The following LGR5 variants were observed in gnomAD, a reference collection of about 807,000 sequenced individuals.
LGR5 encodes leucine rich repeat containing G protein-coupled receptor 5.
Under a neutral mutation model 76.7 loss-of-function variants are expected in LGR5, and 54 were observed. The observed-to-expected ratio is 0.70, with a 90% CI of 0.57 to 0.88. LGR5 has a LOEUF of 0.88. LGR5 is among the 40% of genes least tolerant of loss of function. The pLI is 0.00. For missense variants in LGR5, 1,078 were observed against 1,073.3 expected (o/e 1.00, Z -0.06); for synonymous variants, 406 against 421.9 (o/e 0.96, Z 0.46).
At chr12:71,481,998 C>G (rs569710056) in intron 1 of LGR5, among the ~76,000 whole-genome samples, 2 of 151,862 alleles carry the variant, frequency 1.3e-5, no homozygotes, top group Non-Finnish European at 2.9e-5. Context: ...TTTTCATTGT[C>G]CAATTATAAA....
intron 5 of LGR5, among the ~76,000 whole-genome samples, chr12:71,556,350 A>G (rs1004184085): frequency 2.6e-5 from 4 of 152,134 alleles, no homozygotes; most frequent in African/African-American, 7.2e-5. Flanking sequence ...CTTGAAACCC[A>G]AAGTTACTTA....
chr12:71,571,056 T>C (rs1188137742), intron 11 of LGR5, among the ~76,000 whole-genome samples: 2 of 152,228 alleles, frequency 1.3e-5, no homozygotes, highest in African/African-American at 4.8e-5. Context: ...TTCCCCCACC[T>C]CCTTCTTGTA....
intron 3 of LGR5, among the ~76,000 whole-genome samples, chr12:71,529,295 G>A (rs1490724549): frequency 3.9e-5 from 6 of 152,164 alleles, no homozygotes; most frequent in Non-Finnish European, 8.8e-5. Flanking sequence ...GAGGCCTCGG[G>A]AAACTTACAA....
Position 71,477,368 on chromosome 12 carries a change from C to T in LGR5, c.213-27246C>T, listed in dbSNP as rs576970519. On this transcript the variant is annotated intron_variant, in intron 1 of 17. Coordinates refer to ENST00000266674, the MANE Select transcript of LGR5 (RefSeq NM_003667.4). Reference sequence around the variant, plus strand: ...AGGAGTGGAAAGGGTGGGACACGGACCTAATGGCTTTTTTGTTTCTTCATT... The same window carrying T: ...AGGAGTGGAAAGGGTGGGACACGGATCTAATGGCTTTTTTGTTTCTTCATT... Among the ~76,000 whole-genome samples, 5 of 151,440 alleles carry T rather than the reference C, an allele frequency of 3.3e-5. No individual in the cohort carries two copies. In the East Asian group the frequency reaches 9.7e-4, roughly 29 times the overall value.
intron 1 of LGR5, among the ~76,000 whole-genome samples, chr12:71,478,176 A>G (rs1368635798): frequency 6.6e-6 from 1 of 152,096 alleles, no homozygotes; most frequent in Non-Finnish European, 1.5e-5. Context: ...TTATTTTTAT[A>G]TTTTCTTACA....
Position 71,566,634 on chromosome 12 carries a change from C to T in LGR5, c.932C>T (p.Thr311Ile). ...TACTTATATACTCCTCTTTCTAGGA[C>T]TCTGAATGGTGCCTCACAAATAACT... Reference protein sequence around the residue: ...FQHLPELRTLTLNGASQITEF... With the variant: ...FQHLPELRTLILNGASQITEF... Residue 311 changes from threonine (T) to isoleucine (I), a missense_variant and splice_region_variant, in exon 10 of 18, where the codon ACT becomes ATT. Transcript: ENST00000266674. The T allele has an allele frequency of 1.2e-6, 2 of 1,611,830 alleles. No individual in the cohort carries two copies. The highest frequency in any genetic ancestry group is 2.2e-5 in the South Asian group (2 of 91,030).
chr12:71,480,161 C>T (rs1298067904), intron 1 of LGR5, among the ~76,000 whole-genome samples: 4 of 151,756 alleles, frequency 2.6e-5, no homozygotes, highest in South Asian at 2.1e-4. Flanking sequence ...GTCAGGAGTT[C>T]GAGAACAGCC....
chr12:71,509,606 G>A (rs1875044819), intron 2 of LGR5, among the ~76,000 whole-genome samples: 1 of 152,162 alleles, frequency 6.6e-6, no homozygotes, highest in South Asian at 2.1e-4. Flanking sequence ...GTGTAGTAGA[G>A]ATGTTGGGAG....
intron 1 of LGR5, among the ~76,000 whole-genome samples, chr12:71,473,227 A>C (rs1231263640): frequency 6.6e-6 from 1 of 152,218 alleles, no homozygotes; most frequent in South Asian, 2.1e-4. Flanking sequence ...AGATTCTAAC[A>C]ATCAACATTC....
intron 2 of LGR5, among the ~76,000 whole-genome samples, chr12:71,516,179 A>G (rs10784921): frequency 0.5 from 75,378 of 151,914 alleles, 19,570 homozygotes; most frequent in East Asian, 0.86. Flanking sequence ...TTTAAATTTG[A>G]GCGTAGAAAA....
At chr12:71,486,548 T>A (rs535939072) in intron 1 of LGR5, among the ~76,000 whole-genome samples, 13 of 152,300 alleles carry the variant, frequency 8.5e-5, no homozygotes, top group Admixed American at 2.6e-4. Flanking sequence ...AAATCTGGAT[T>A]TATTTGTTAA....
At chr12:71,447,789 G>GTGGAACTGGCTGC (rs1366895394) in intron 1 of LGR5, among the ~76,000 whole-genome samples, 7 of 152,210 alleles carry the variant, frequency 4.6e-5, no homozygotes, top group Non-Finnish European at 8.8e-5. Context: ...GGGAGAGACT[G>GTGGAACTGGCTGC]TGGAACTGGC....
chr12:71,440,268 A>C lies in LGR5; in HGVS notation c.188A>C (p.Asn63Thr), dbSNP rs1871700671. 3.7e-6 allele frequency: 6 copies of C among 1,612,314 alleles called. No homozygotes were observed. The highest frequency in any genetic ancestry group is 5.1e-6 in the Non-Finnish European group (6 of 1,179,934). ...CTGGGGCTCTCGGAGCTGCCTTCCA[A>C]CCTCAGCGTCTTCACCTCCTACCTG... The part of the protein sequence containing the change: ...SDLGLSELPS[N>T]LSVFTSYLDL... Residue 63 changes from asparagine (N) to threonine (T), a missense_variant, in exon 1 of 18, where the codon AAC becomes ACC. Asn to Thr is a moderately conservative substitution (Grantham distance 65, BLOSUM62 0). Coordinates refer to ENST00000266674, the MANE Select transcript of LGR5 (RefSeq NM_003667.4). This position sits in a 1 kb window ranked among gnomAD's most constrained non-coding sequence, Gnocchi z 5.3.
At chr12:71,540,543 A>C (rs1181511633) in intron 4 of LGR5, among the ~76,000 whole-genome samples, 1 of 152,184 alleles carries the variant, frequency 6.6e-6, no homozygotes, top group Non-Finnish European at 1.5e-5. Context: ...AGGGCTATAG[A>C]ACCCACCCCT....
At chr12:71,451,196 G>A (rs1324940494) in intron 1 of LGR5, among the ~76,000 whole-genome samples, 1 of 152,160 alleles carries the variant, frequency 6.6e-6, no homozygotes, top group Non-Finnish European at 1.5e-5. Flanking sequence ...AGATCAGATG[G>A]GTTGATTACA....
In LGR5 at chr12:71,440,748, G is replaced by A. The variant is rs1871727802; in HGVS notation, c.212+456G>A. ...AGTTTCCCCAAAGGAGAAACAACTT[G>A]CCCAGCTCCAAAGGGTTTTTAGTCT... On this transcript the variant is annotated intron_variant, in intron 1 of 17. Coordinates refer to ENST00000266674, the MANE Select transcript of LGR5 (RefSeq NM_003667.4). This position sits in a 1 kb window ranked among gnomAD's most constrained non-coding sequence, Gnocchi z 5.3. 6.6e-6 allele frequency among the ~76,000 whole-genome samples: 1 copy of A among 152,198 alleles called. No homozygotes were observed. Among genetic ancestry groups the A allele is most frequent in the Non-Finnish European group, 1.5e-5 (1 of 68,032 alleles).
intron 1 of LGR5, among the ~76,000 whole-genome samples, chr12:71,485,401 T>TA (rs981009014): frequency 2.0e-5 from 3 of 152,030 alleles, no homozygotes; most frequent in East Asian, 1.9e-4. Flanking sequence ...GCATTTAATT[T>TA]AAAAAAATGA....
intron 1 of LGR5, among the ~76,000 whole-genome samples, chr12:71,452,305 C>T (rs778762897): frequency 1.3e-5 from 2 of 152,146 alleles, no homozygotes; most frequent in Admixed American, 6.6e-5. Flanking sequence ...TTTAAAACAC[C>T]CTGTGTCCAT....
intron 1 of LGR5, among the ~76,000 whole-genome samples, chr12:71,495,086 G>A (rs1395902774): frequency 6.6e-6 from 1 of 150,644 alleles, no homozygotes. Context: ...GTCGGGGGGG[G>A]TCTCCTTTGA....
Sources: allele counts gnomAD v4.1 joint callset (sites outside exome capture counted in the v4.1 genomes callset), GRCh38; gene constraint gnomAD v4.1.1; non-coding constraint Gnocchi (gnomAD v3.1); transcripts MANE v1.5; gene names NCBI Gene and HGNC (gene_info 2026-07-23, HGNC 2026-07-21).